The following DDX23 variants were observed in gnomAD, a reference collection of about 807,000 sequenced individuals.
The protein encoded by DDX23 is DEAD-box helicase 23, also known as probable ATP-dependent RNA helicase DDX23.
DDX23 carries 33 observed loss-of-function variants against 102.7 expected under a neutral mutation model. That is an observed-to-expected ratio of 0.32 (90% CI 0.24 to 0.43). The LOEUF (loss-of-function observed/expected upper bound fraction) is 0.43. Among genes scored for constraint, DDX23 ranks in the 20% least tolerant of loss-of-function variants. DDX23 has a pLI of 1.00. For synonymous variants in DDX23, 352 were observed against 376.0 expected (o/e 0.94, Z 0.74); for missense variants, 549 against 1,086.6 (o/e 0.51, Z 6.96).
In DDX23 at chr12:48,832,880, G is replaced by A; in HGVS notation, c.1804-307C>T. On this transcript the variant is annotated intron_variant, in intron 13 of 16. Coordinates refer to ENST00000308025, the MANE Select transcript of DDX23 (RefSeq NM_004818.3). This position sits in a 1 kb window ranked among gnomAD's most constrained non-coding sequence, Gnocchi z 4.4. The stretch of plus-strand genomic sequence containing the variant: ...CTAAGCTAAATGGCTCCACCCTTAG[G>A]ACTGTCAGAGGACTGTACCTAGGCA... 6.4e-6 allele frequency: 3 copies of A among 468,022 alleles called. No homozygotes were observed. The highest frequency in any genetic ancestry group is 5.1e-5 in the South Asian group (2 of 38,840). 29.0% of individuals were successfully genotyped at this position (468,022 alleles called of 1,614,324 possible).
In DDX23 at chr12:48,845,619, C is replaced by T; in HGVS notation, c.164G>A (p.Gly55Glu). The T allele has an allele frequency of 6.2e-7, 1 of 1,614,228 alleles. No individual in the cohort carries two copies. The highest frequency in any genetic ancestry group is 1.1e-5 in the South Asian group (1 of 91,084). Residue 55 changes from glycine to glutamate, a missense_variant, in exon 2 of 17, where the codon GGA (glycine) becomes GAA (glutamate). Around this residue, in one of 4 missense-constraint regions of DDX23, gnomAD observed 241 missense variants for 267.0 expected, o/e 0.90. Coordinates refer to ENST00000308025, the MANE Select transcript of DDX23 (RefSeq NM_004818.3). ...GGAACGAGAGCGAGAACGGCTGCCT[C>T]CTCGACGTCTATCCCTTGAACGATG... Reference protein sequence around the residue: ...KRHRSRDRRRGGSRSRSRSRS... With the variant: ...KRHRSRDRRREGSRSRSRSRS...
chr12:48,830,138 G>A lies in DDX23; in HGVS notation c.*331C>T, dbSNP rs1171871856. 1.0e-5 allele frequency: 5 copies of A among 498,230 alleles called. No homozygotes were observed. Among genetic ancestry groups the A allele is most frequent in the East Asian group, 1.0e-4 (2 of 19,346 alleles). 30.9% of individuals were successfully genotyped at this position (498,230 alleles called of 1,614,324 possible). A position where few individuals can be genotyped will look rare whatever the true frequency, so the allele number is the denominator to read the frequency against. On this transcript the variant is annotated 3_prime_UTR_variant, in exon 17 of 17. Coordinates refer to ENST00000308025, the MANE Select transcript of DDX23 (RefSeq NM_004818.3). The surrounding 1 kb of genome is among the most constrained non-coding windows in gnomAD (Gnocchi z 4.9). Reference sequence around the variant, plus strand: ...AAAGGAGGTCCCATCCGGCGGCCAGGTTTCTGTTCAGTCTGGGGAGCAATG... The same window carrying A: ...AAAGGAGGTCCCATCCGGCGGCCAGATTTCTGTTCAGTCTGGGGAGCAATG...
intron 1 of DDX23, among the ~76,000 whole-genome samples, chr12:48,846,970 C>T (rs896806308): frequency 1.3e-5 from 2 of 152,212 alleles, no homozygotes; most frequent in South Asian, 2.1e-4. Context: ...ATCCCAAAGA[C>T]TTGGGATACA....
chr12:48,837,096 A>C, intron 8 of DDX23, 59 bp from the exon 9 acceptor site: 1 of 1,607,544 alleles, frequency 6.2e-7, no homozygotes, highest in South Asian at 1.1e-5. Flanking sequence ...GTAGGAAGGA[A>C]GGGCAGACTA....
chr12:48,831,894 G>A lies in DDX23; in HGVS notation c.2064+184C>T, dbSNP rs532310235. 41 of 608,702 alleles carry A rather than the reference G, an allele frequency of 6.7e-5. No individual in the cohort carries two copies. The African/African-American group carries it at 6.9e-4, about 10-fold the overall frequency. 37.7% of individuals were successfully genotyped at this position (608,702 alleles called of 1,614,324 possible). ...GCTGGCATTACTGCAGCAGACAGGG[G>A]GTCCCAGCAATTGATTCCATTCTCT... On this transcript the variant is annotated intron_variant, in intron 15 of 16. Coordinates refer to ENST00000308025, the MANE Select transcript of DDX23 (RefSeq NM_004818.3).
At position 48,836,031 on chromosome 12, in the gene DDX23, T is replaced by G; in HGVS notation, c.1382+90A>C. ...GAATAAAGAAGAAAGCTTCTGATTA[T>G]AGACGTAAAACAAAAATCAAACATT... is the stretch of plus-strand genomic sequence containing the variant. On this transcript the variant is annotated intron_variant, in intron 11 of 16. Coordinates refer to ENST00000308025, the MANE Select transcript of DDX23 (RefSeq NM_004818.3). This position sits in a 1 kb window ranked among gnomAD's most constrained non-coding sequence, Gnocchi z 6.1. 1 of 1,397,354 alleles carries G rather than the reference T, an allele frequency of 7.2e-7. No individual in the cohort carries two copies. Among genetic ancestry groups the G allele is most frequent in the Non-Finnish European group, 1.0e-6 (1 of 1,001,988 alleles). The allele number at this position is 1,397,354 out of a possible 1,614,324, so 86.6% of individuals were successfully genotyped here.
Position 48,842,232 on chromosome 12 carries a change from C to T in DDX23, c.320+1708G>A, listed in dbSNP as rs574188295. Among the ~76,000 whole-genome samples, 896 of 147,580 alleles carry T rather than the reference C, an allele frequency of 6.1e-3. 4 individuals carry two copies. Among genetic ancestry groups the T allele is most frequent in the South Asian group, 0.011 (50 of 4,626 alleles). The stretch of plus-strand genomic sequence containing the variant: ...CCGTCCAGGAGGGAGGTGGGGGGGT[C>T]ATCCCCCCACCCGGCCAGCCGCCCA... On this transcript the variant is annotated intron_variant, in intron 3 of 16. Transcript: ENST00000308025.
intron 3 of DDX23, among the ~76,000 whole-genome samples, chr12:48,841,841 C>T (rs1359462952): frequency 3.2e-4 from 48 of 152,150 alleles, no homozygotes; most frequent in Non-Finnish European, 4.7e-4. Flanking sequence ...CCTGCCTTGG[C>T]CCCCCAAAGT....
chr12:48,848,356 T>C (rs1395263117), intron 1 of DDX23, among the ~76,000 whole-genome samples: 4 of 151,722 alleles, frequency 2.6e-5, no homozygotes, highest in African/African-American at 9.7e-5. Context: ...GCTTAAATTC[T>C]AGTGTAGCGG....
At position 48,830,154 on chromosome 12, in the gene DDX23, G is replaced by T. The variant is rs1273855609; in HGVS notation, c.*315C>A. 1 of 525,404 alleles carries T rather than the reference G, an allele frequency of 1.9e-6. No individual in the cohort carries two copies. The highest frequency in any genetic ancestry group is 4.8e-5 in the East Asian group (1 of 21,034). The allele number at this position is 525,404 out of a possible 1,614,324, so 32.5% of individuals were successfully genotyped here. On this transcript the variant is annotated 3_prime_UTR_variant, in exon 17 of 17. Coordinates refer to ENST00000308025, the MANE Select transcript of DDX23 (RefSeq NM_004818.3). The surrounding 1 kb of genome is among the most constrained non-coding windows in gnomAD (Gnocchi z 4.9). ...GGCGGCCAGGTTTCTGTTCAGTCTG[G>T]GGAGCAATGCCAACTGGCTGCCCCC...
Position 48,843,309 on chromosome 12 carries a change from C to A in DDX23, c.320+631G>T, listed in dbSNP as rs924202493. Among the ~76,000 whole-genome samples, 42 of 142,322 alleles carry A rather than the reference C, an allele frequency of 3.0e-4. 1 individual carries two copies. Among genetic ancestry groups the A allele is most frequent in the East Asian group, 1.2e-3 (6 of 5,078 alleles). 93.4% of individuals were successfully genotyped at this position (142,322 alleles called of 152,430 possible). A position where few individuals can be genotyped will look rare whatever the true frequency, so the allele number is the denominator to read the frequency against. On this transcript the variant is annotated intron_variant, in intron 3 of 16. Coordinates refer to ENST00000308025, the MANE Select transcript of DDX23 (RefSeq NM_004818.3). Reference sequence around the variant, plus strand: ...GAATGATCAATTAAAAAAAAAAAAACCCAAAAAAAACAAAATCTGGTGGCA... The same window carrying A: ...GAATGATCAATTAAAAAAAAAAAAAACCAAAAAAAACAAAATCTGGTGGCA...
At chr12:48,843,428 G>A (rs1167435284) in intron 3 of DDX23, among the ~76,000 whole-genome samples, 1 of 151,564 alleles carries the variant, frequency 6.6e-6, no homozygotes, top group African/African-American at 2.4e-5. Context: ...TCACACCACT[G>A]CACTCCAGCC....
rs1938470175 is a variant in DDX23, at chr12:48,836,608, G to A, written c.1197C>T (p.Pro399=). ...PIRSWKDSSL[P]PHILEVIDKC... ...TATCAATGACCTCCAAGATGTGTGG[G>A]GGCAGAGAAGAGTCTTTCCAGGATC... is the stretch of plus-strand genomic sequence containing the variant. Residue 399 remains proline, a synonymous_variant, in exon 10 of 17, where the codon CCC becomes CCT. Coordinates refer to ENST00000308025, the MANE Select transcript of DDX23 (RefSeq NM_004818.3). The surrounding 1 kb of genome is among the most constrained non-coding windows in gnomAD (Gnocchi z 6.1). 1.2e-6 allele frequency: 2 copies of A among 1,613,864 alleles called. No homozygotes were observed. Among genetic ancestry groups the A allele is most frequent in the Non-Finnish European group, 8.5e-7 (1 of 1,180,044 alleles).
chr12:48,843,195 G>C (rs1428942320), intron 3 of DDX23, among the ~76,000 whole-genome samples: 1 of 150,334 alleles, frequency 6.7e-6, no homozygotes, highest in Non-Finnish European at 1.5e-5. Context: ...AGGAAAACCA[G>C]AGACCTTTGT....
At chr12:48,837,720 A>G in intron 6 of DDX23, 63 bp from the exon 7 acceptor site, 1 of 1,599,028 alleles carries the variant, frequency 6.3e-7, no homozygotes, top group Non-Finnish European at 8.5e-7. Flanking sequence ...GAGGGAATGG[A>G]GGGAATCCAG....
chr12:48,837,927 G>C lies in DDX23; in HGVS notation c.619+15C>G. ...CCTCTTCCATCTAGGGGCTACACAG[G>C]GTAGAATAACAAACCCAACATCTTC... On this transcript the variant is annotated intron_variant, in intron 6 of 16. Transcript: ENST00000308025. 6.2e-7 allele frequency: 1 copy of C among 1,612,194 alleles called. No homozygotes were observed. The highest frequency in any genetic ancestry group is 8.5e-7 in the Non-Finnish European group (1 of 1,179,984).
Position 48,832,719 on chromosome 12 carries a change from C to T in DDX23, c.1804-146G>A. ...AGCCACCACCTTAGAAAATAGTGTC[C>T]TCTGAATTCCCATCCTTCCTGAGTA... On this transcript the variant is annotated intron_variant, in intron 13 of 16. Coordinates refer to ENST00000308025, the MANE Select transcript of DDX23 (RefSeq NM_004818.3). The surrounding 1 kb of genome is among the most constrained non-coding windows in gnomAD (Gnocchi z 4.4). 3 of 1,002,562 alleles carry T rather than the reference C, an allele frequency of 3.0e-6. No homozygotes were observed. Among genetic ancestry groups the T allele is most frequent in the South Asian group, 1.8e-5 (1 of 54,056 alleles). 62.1% of individuals were successfully genotyped at this position (1,002,562 alleles called of 1,614,324 possible). A position where few individuals can be genotyped will look rare whatever the true frequency, so the allele number is the denominator to read the frequency against.
chr12:48,834,303 T>TA lies in DDX23; in HGVS notation c.1560+16dup. ...CCTTCCCAGACAGCAGGCTGGCTGCTAGATAGAAAAACAAACCTCACAACC... is the reference window on the plus strand; with the variant it reads ...CCTTCCCAGACAGCAGGCTGGCTGCTAAGATAGAAAAACAAACCTCACAACC... On this transcript the variant is annotated intron_variant, in intron 12 of 16. Coordinates refer to ENST00000308025, the MANE Select transcript of DDX23 (RefSeq NM_004818.3). 6.3e-7 allele frequency: 1 copy of TA among 1,596,246 alleles called. No individual in the cohort carries two copies. Among genetic ancestry groups the TA allele is most frequent in the East Asian group, 2.2e-5 (1 of 44,604 alleles).
rs1938362704 is a variant in DDX23 at position 48,830,221 on chromosome 12, A to T, written c.*248T>A. On this transcript the variant is annotated 3_prime_UTR_variant, in exon 17 of 17. Transcript: ENST00000308025. The surrounding 1 kb of genome is among the most constrained non-coding windows in gnomAD (Gnocchi z 4.9). The stretch of plus-strand genomic sequence containing the variant: ...TGATGGCCCAGTGCAATCCCAAAGC[A>T]AAGAAGGGCAGAACTGGGCCAAGAA... 1 of 629,600 alleles carries T rather than the reference A, an allele frequency of 1.6e-6. No individual in the cohort carries two copies. The highest frequency in any genetic ancestry group is 1.5e-5 in the South Asian group (1 of 66,162). 39.0% of individuals were successfully genotyped at this position (629,600 alleles called of 1,614,324 possible). A position where few individuals can be genotyped will look rare whatever the true frequency, so the allele number is the denominator to read the frequency against.
Sources: gnomAD v4.1 joint callset for allele counts (sites outside exome capture counted in the v4.1 genomes callset) on GRCh38, gnomAD v4.1.1 for gene constraint, gnomAD v4.1.1 regional missense constraint, Gnocchi (gnomAD v3.1) non-coding constraint, MANE v1.5 for transcripts, NCBI Gene and HGNC (gene_info 2026-07-23, HGNC 2026-07-21) for gene names.